The following PXDN variants were observed in gnomAD, a reference collection of about 807,000 sequenced individuals.
The protein encoded by PXDN is peroxidasin homolog.
PXDN carries 77 observed loss-of-function variants against 140.3 expected under a neutral mutation model. The observed-to-expected ratio is 0.55, with a 90% CI of 0.46 to 0.66. The LOEUF (loss-of-function observed/expected upper bound fraction) is 0.66. Ranked by LOEUF, PXDN falls within the 30% of genes least tolerant of loss-of-function variation. The pLI is 0.00. For synonymous variants in PXDN, 911 were observed against 857.4 expected (o/e 1.06, Z -1.09); for missense variants, 1,838 against 2,039.5 (o/e 0.90, Z 1.90).
At chr2:1,659,361 A>G (rs1683250956) in intron 14 of PXDN, among the ~76,000 whole-genome samples, 1 of 152,216 alleles carries the variant, frequency 6.6e-6, no homozygotes, top group Non-Finnish European at 1.5e-5. Flanking sequence ...CAAATTTACT[A>G]ATTTTTGGAA....
chr2:1,684,270 C>T (rs1683995002), intron 4 of PXDN, 119 bp from the exon 5 acceptor site: 1 of 727,964 alleles, frequency 1.4e-6, no homozygotes. Flanking sequence ...AGCTCACTCA[C>T]TAGACTTCCT....
intron 3 of PXDN, among the ~76,000 whole-genome samples, chr2:1,691,266 C>T (rs1684177653): frequency 6.6e-6 from 1 of 152,170 alleles, no homozygotes; most frequent in Admixed American, 6.5e-5. Flanking sequence ...CACTTCGTCA[C>T]CTTTCCAATT....
At chr2:1,703,566 T>G (rs1205684173) in intron 1 of PXDN, among the ~76,000 whole-genome samples, 95 of 4,576 alleles carry the variant, frequency 0.021, no homozygotes, top group Non-Finnish European at 0.026. Context: ...CAGGTGAAGG[T>G]GGGGGACAAC....
chr2:1,680,421 C>T, intron 6 of PXDN, 59 bp from the exon 7 acceptor site: 1 of 1,588,618 alleles, frequency 6.3e-7, no homozygotes, highest in Non-Finnish European at 8.6e-7. Context: ...TCCATCCATC[C>T]ATCAGACAGG....
chr2:1,741,666 G>A (rs1268757093), intron 1 of PXDN, among the ~76,000 whole-genome samples: 1 of 152,132 alleles, frequency 6.6e-6, no homozygotes, highest in Non-Finnish European at 1.5e-5. Flanking sequence ...TGGGATGGAG[G>A]TGAGTCTCTA....
chr2:1,692,124 C>T, intron 2 of PXDN, 125 bp from the exon 3 acceptor site: 1 of 698,470 alleles, frequency 1.4e-6, no homozygotes, highest in Non-Finnish European at 2.4e-6. Context: ...TCGCCATCAA[C>T]ATTCAACGAA....
chr2:1,640,458 T>C (rs961072987), intron 19 of PXDN, among the ~76,000 whole-genome samples: 13 of 152,206 alleles, frequency 8.5e-5, no homozygotes, highest in Non-Finnish European at 1.5e-4. Flanking sequence ...CCTTCTGGTC[T>C]AGCATTTGTC....
intron 1 of PXDN, among the ~76,000 whole-genome samples, chr2:1,721,252 G>A (rs908768480): frequency 1.3e-5 from 2 of 152,206 alleles, no homozygotes; most frequent in Non-Finnish European, 2.9e-5. Context: ...AGGTGCAAAT[G>A]TGGCAGGCAG....
rs987706090 is a variant in PXDN at position 1,691,909 on chromosome 2, G to T, written c.344+19C>A. The T allele has an allele frequency of 2.8e-6, 4 of 1,431,286 alleles. No individual in the cohort carries two copies. The African/African-American group carries it at 4.4e-5, about 16-fold the overall frequency. 88.7% of individuals were successfully genotyped at this position (1,431,286 alleles called of 1,614,324 possible). A position where few individuals can be genotyped will look rare whatever the true frequency, so the allele number is the denominator to read the frequency against. On this transcript the variant is annotated intron_variant, in intron 3 of 22. Coordinates refer to ENST00000252804, the MANE Select transcript of PXDN (RefSeq NM_012293.3). ...AGATACCATAAGCTTTTAGGTTAAA[G>T]AACTGATCATTAACTTACAGATATT...
chr2:1,663,626 G>C lies in PXDN; in HGVS notation c.1546C>G (p.His516Asp). Reference protein sequence around the residue: ...NIIGSQKVVAHLTVQPRVTPV... With the variant: ...NIIGSQKVVADLTVQPRVTPV... The stretch of plus-strand genomic sequence containing the variant: ...CTACCTCTGGGCTGCACAGTCAGGT[G>C]GGCCACGACCTTCTGGGAGCCGATG... Residue 516 changes from histidine to aspartate, a missense_variant, in exon 12 of 23, where the codon CAC becomes GAC. Physicochemically the swap from His to Asp is moderately conservative, Grantham distance 81 (BLOSUM62 -1). Around this residue, in one of 5 missense-constraint regions of PXDN, gnomAD observed 537 missense variants for 583.9 expected, o/e 0.92. Coordinates refer to ENST00000252804, the MANE Select transcript of PXDN (RefSeq NM_012293.3). 1 of 1,613,992 alleles carries C rather than the reference G, an allele frequency of 6.2e-7. No homozygotes were observed. The highest frequency in any genetic ancestry group is 8.5e-7 in the Non-Finnish European group (1 of 1,179,894).
rs372395551 is a variant in PXDN, at chr2:1,644,706, C to G, written c.3655G>C (p.Val1219Leu). 1 of 1,599,726 alleles carries G rather than the reference C, an allele frequency of 6.3e-7. No homozygotes were observed. The highest frequency in any genetic ancestry group is 8.5e-7 in the Non-Finnish European group (1 of 1,170,820). Residue 1219 changes from valine (V) to leucine (L), a missense_variant, in exon 18 of 23, where the codon GTG becomes CTG. Coordinates refer to ENST00000252804, the MANE Select transcript of PXDN (RefSeq NM_012293.3). ...CGGCTGCCAGGCACCAGGTCCTCCA[C>G]CACGAGCGCCGGAAACAGGTCGATG... ...LNIDLFPALV[V>L]EDLVPGSRLG...
At position 1,639,384 on chromosome 2, in the gene PXDN, G is replaced by A. The variant is rs1279334700; in HGVS notation, c.3991C>T (p.His1331Tyr). The A allele has an allele frequency of 1.9e-6, 3 of 1,613,998 alleles. No homozygotes were observed. The highest frequency in any genetic ancestry group is 1.7e-6 in the Non-Finnish European group (2 of 1,179,870). ...TRGQFNAFSY[H>Y]FRGRRSLEFS... ...TCAAGAGACCGTCTGCCTCGGAAAT[G>A]ATAGGAAAAGGCATTGAACTGCCCC... The change falls in exon 20 of 23, where the codon CAT becomes TAT. Residue 1331 changes from histidine to tyrosine, a missense_variant. Around this residue, in one of 5 missense-constraint regions of PXDN, gnomAD observed 850 missense variants for 894.1 expected, o/e 0.95. Transcript: ENST00000252804. This position sits in a 1 kb window ranked among gnomAD's most constrained non-coding sequence, Gnocchi z 5.0.
At position 1,675,535 on chromosome 2, in the gene PXDN, G is replaced by T. The variant is rs1363364586; in HGVS notation, c.848+1392C>A. Among the ~76,000 whole-genome samples, 4 of 152,092 alleles carry T rather than the reference G, an allele frequency of 2.6e-5. No individual in the cohort carries two copies. In the South Asian group the frequency reaches 6.2e-4, roughly 24 times the overall value. The stretch of plus-strand genomic sequence containing the variant: ...TGAAGAGAGTGACTGCACCTTACAG[G>T]CTCCTTGTCCGGCACTGCAGCCAAG... On this transcript the variant is annotated intron_variant, in intron 8 of 22. Transcript: ENST00000252804.
At chr2:1,725,859 A>G (rs1445817469) in intron 1 of PXDN, among the ~76,000 whole-genome samples, 2 of 152,164 alleles carry the variant, frequency 1.3e-5, no homozygotes, top group Admixed American at 6.5e-5. Context: ...AGAGAAATGC[A>G]AATCAAAACC....
chr2:1,647,451 T>C (rs1293431552), intron 17 of PXDN, among the ~76,000 whole-genome samples: 1 of 152,172 alleles, frequency 6.6e-6, no homozygotes, highest in Non-Finnish European at 1.5e-5. Context: ...GCTTTGCCTG[T>C]AAAACTTTGC....
At chr2:1,682,270 T>C (rs1396340919) in intron 6 of PXDN, among the ~76,000 whole-genome samples, 1 of 152,164 alleles carries the variant, frequency 6.6e-6, no homozygotes, top group African/African-American at 2.4e-5. Context: ...CTGTTATCTA[T>C]CAAATATGGA....
chr2:1,651,434 T>C lies in PXDN; in HGVS notation c.2105-1759A>G, dbSNP rs760499026. Among the ~76,000 whole-genome samples the C allele has an allele frequency of 6.6e-6, 1 of 152,208 alleles. No individual in the cohort carries two copies. Among genetic ancestry groups the C allele is most frequent in the African/African-American group, 2.4e-5 (1 of 41,464 alleles). On this transcript the variant is annotated intron_variant, in intron 16 of 22. Coordinates refer to ENST00000252804, the MANE Select transcript of PXDN (RefSeq NM_012293.3). The surrounding 1 kb of genome is among the most constrained non-coding windows in gnomAD (Gnocchi z 4.4). The stretch of plus-strand genomic sequence containing the variant: ...CATGCAGAGTGGTCACCCAGCCCGA[T>C]GCTTGAAAATGCATCAAACCATGTT...
rs149236771 is a variant in PXDN, at chr2:1,657,002, G to T, written c.1838-2494C>A. On this transcript the variant is annotated intron_variant, in intron 14 of 22. Transcript: ENST00000252804. ...GTTCTACTCCCTCTGACTGAGAACT[G>T]CCCTCTCCTGACTAAAACCTACCCC... Among the ~76,000 whole-genome samples, 378 of 146,546 alleles carry T rather than the reference G, an allele frequency of 2.6e-3. 4 individuals carry two copies. Among genetic ancestry groups the T allele is most frequent in the East Asian group, 0.012 (59 of 4,782 alleles).
At chr2:1,635,549 A>G (rs1040549081) in intron 21 of PXDN, 28 bp from the exon 22 acceptor site, 4 of 1,497,156 alleles carry the variant, frequency 2.7e-6, no homozygotes, top group Non-Finnish European at 2.7e-6. Flanking sequence ...ACATTCATTC[A>G]TTGGGCACTT....
Sources: gnomAD v4.1 joint callset for allele counts (sites outside exome capture counted in the v4.1 genomes callset) on GRCh38, gnomAD v4.1.1 for gene constraint, gnomAD v4.1.1 regional missense constraint, Gnocchi (gnomAD v3.1) non-coding constraint, MANE v1.5 for transcripts, NCBI Gene and HGNC (gene_info 2026-07-23, HGNC 2026-07-21) for gene names.